Variants in PHF6 observed in about 807,000 individuals in gnomAD.
PHF6 encodes PHD finger protein 6.
Under a neutral mutation model 34.0 loss-of-function variants are expected in PHF6, and 7 were observed. That is an observed-to-expected ratio of 0.21 (90% confidence interval 0.12 to 0.39). The LOEUF is 0.39. PHF6 is among the 10% of genes least tolerant of loss of function. The probability of loss-of-function intolerance (pLI) is 1.00; values close to 1 mark genes in which losing one functional copy is unlikely to be tolerated. For synonymous variants in PHF6, 89 were observed against 88.4 expected (o/e 1.01, Z -0.04); for missense variants, 128 against 262.8 (o/e 0.49, Z 3.55).
chrX:134,402,374 G>C (rs2077406097), intron 5 of PHF6, among the ~76,000 whole-genome samples: 1 of 111,994 alleles, frequency 8.9e-6, no homozygotes, highest in Admixed American at 9.5e-5. Context: ...CCTTTAAGTT[G>C]AGTAGCATTG....
Position 134,377,782 on chromosome X carries a change from C to T in PHF6, c.138+27C>T, listed in dbSNP as rs750155732. On this transcript the variant is annotated intron_variant, in intron 2 of 10. Transcript: ENST00000370803. ...TAAGTATACCGGCAGCAACAGAGAC[C>T]TTGAAACGATTCATGAGACTCTTAA... 3.7e-5 allele frequency: 44 copies of T among 1,194,450 alleles called. No homozygotes were observed. The Admixed American group carries it at 7.3e-4, about 20-fold the overall frequency.
intron 5 of PHF6, among the ~76,000 whole-genome samples, chrX:134,407,848 G>A (rs1467186135): frequency 9.0e-6 from 1 of 111,558 alleles, no homozygotes; most frequent in Admixed American, 9.6e-5. Context: ...CAGGAGGTCA[G>A]GGAGGGAGGC....
chrX:134,404,027 A>T (rs981948680), intron 5 of PHF6, among the ~76,000 whole-genome samples: 10 of 112,174 alleles, frequency 8.9e-5, no homozygotes, highest in Non-Finnish European at 1.5e-4. Flanking sequence ...TTCATTCCGC[A>T]GTTCTTAGAG....
rs752373213 is a variant in PHF6 at position 134,393,632 on chromosome X, C to T, written c.372C>T (p.Tyr124=). ...GAGAGAAACCTTCACAAGGAATTTACATGTAATTATTTAACTTCTCTTTAA... is the reference window on the plus strand; with the variant it reads ...GAGAGAAACCTTCACAAGGAATTTATATGTAATTATTTAACTTCTCTTTAA... ...QIREKPSQGI[Y]MVYCRKHKKT... is the part of the protein sequence containing the mutation. Residue 124 remains tyrosine, a splice_region_variant and synonymous_variant, in exon 4 of 11, where the codon TAC becomes TAT. Coordinates refer to ENST00000370803, the MANE Select transcript of PHF6 (RefSeq NM_001015877.2). The T allele has an allele frequency of 1.0e-5, 12 of 1,196,274 alleles. No homozygotes were observed. The South Asian group carries it at 1.6e-4, about 16-fold the overall frequency.
chrX:134,383,890 C>G (rs757066071), intron 3 of PHF6, among the ~76,000 whole-genome samples: 11 of 111,797 alleles, frequency 9.8e-5, no homozygotes, highest in Non-Finnish European at 1.9e-4. Context: ...AGGATTACAG[C>G]TTAGCAGTTT....
intron 1 of PHF6, among the ~76,000 whole-genome samples, chrX:134,376,835 A>AT (rs1195289401): frequency 8.9e-6 from 1 of 112,262 alleles, no homozygotes; most frequent in African/African-American, 3.2e-5. Flanking sequence ...GCAAAAATTA[A>AT]TTTATTAAAG....
intron 5 of PHF6, among the ~76,000 whole-genome samples, chrX:134,405,427 G>A (rs943631247): frequency 8.1e-5 from 9 of 111,305 alleles, no homozygotes; most frequent in Admixed American, 7.7e-4. Context: ...TCAAACTCCT[G>A]ACCTCAGGTG....
chrX:134,413,623 C>T lies in PHF6; in HGVS notation c.551C>T (p.Ser184Phe). ...TCAGAAGATACCAGGTCCACATCCT[C>T]CCATGGAACAGATGAAATGGAAAGT... ...GLSEDTRSTSSHGTDEMESSS... is the reference protein window; with the variant it reads ...GLSEDTRSTSFHGTDEMESSS... Residue 184 changes from serine (S) to phenylalanine (F), a missense_variant, in exon 6 of 11, where the codon TCC becomes TTC. Transcript: ENST00000370803. 4 of 1,211,162 alleles carry T rather than the reference C, an allele frequency of 3.3e-6. No homozygotes were observed. The highest frequency in any genetic ancestry group is 4.5e-6 in the Non-Finnish European group (4 of 895,283).
rs896553251 is a variant in PHF6, at chrX:134,427,625, C to T, written c.*1965C>T. 3 of 159,868 alleles carry T rather than the reference C, an allele frequency of 1.9e-5. No individual in the cohort carries two copies. Among genetic ancestry groups the T allele is most frequent in the African/African-American group, 9.1e-5 (3 of 33,022 alleles). The allele number at this position is 159,868 out of a possible 1,213,427, so 13.2% of individuals were successfully genotyped here. Reference sequence around the variant, plus strand: ...AAAATGTATGACTTTGTATGGGTTTCTTCAGCCCTTTTTCTGCCACTAGCA... The same window carrying T: ...AAAATGTATGACTTTGTATGGGTTTTTTCAGCCCTTTTTCTGCCACTAGCA... On this transcript the variant is annotated 3_prime_UTR_variant, in exon 11 of 11. Coordinates refer to ENST00000370803, the MANE Select transcript of PHF6 (RefSeq NM_001015877.2).
At chrX:134,415,312 T>G in intron 8 of PHF6, 192 bp downstream of exon 8, 1 of 666,884 alleles carries the variant, frequency 1.5e-6, no homozygotes, top group South Asian at 2.9e-5. Context: ...CTATGTAACT[T>G]CATTACTTTA....
At position 134,375,589 on chromosome X, in the gene PHF6, G is replaced by A. The variant is rs190857671; in HGVS notation, c.-46-1983G>A. On this transcript the variant is annotated intron_variant, in intron 1 of 10. Coordinates refer to ENST00000370803, the MANE Select transcript of PHF6 (RefSeq NM_001015877.2). ...AATTACACATTAAAGATGTCTGTAC[G>A]GGATTTGATTTATACTGTGCCATCC... 6.3e-3 allele frequency among the ~76,000 whole-genome samples: 708 copies of A among 111,837 alleles called. 5 individuals carry two copies. The highest frequency in any genetic ancestry group is 0.022 in the African/African-American group (674 of 30,867).
At chrX:134,406,086 C>CTTTCT (rs1556017637) in intron 5 of PHF6, among the ~76,000 whole-genome samples, 1 of 97,787 alleles carries the variant, frequency 1.0e-5, no homozygotes, top group South Asian at 4.9e-4. Context: ...TTCTTTCTTT[C>CTTTCT]TTTCTTTCTT....
chrX:134,386,810 G>A (rs1257881100), intron 3 of PHF6, among the ~76,000 whole-genome samples: 1 of 111,984 alleles, frequency 8.9e-6, no homozygotes, highest in Non-Finnish European at 1.9e-5. Context: ...CAATATTTAA[G>A]GTTTTGTAAG....
intron 3 of PHF6, among the ~76,000 whole-genome samples, chrX:134,381,149 G>A (rs17277966): frequency 0.15 from 16,422 of 111,099 alleles, 1,130 homozygotes; most frequent in East Asian, 0.43. Context: ...GAGCACTGAG[G>A]AATAGTGGCA....
At chrX:134,424,615 G>A (rs2077502002) in intron 9 of PHF6, among the ~76,000 whole-genome samples, 1 of 112,000 alleles carries the variant, frequency 8.9e-6, no homozygotes, top group Non-Finnish European at 1.9e-5. Flanking sequence ...AAAAGTCAGT[G>A]TTGTGTAAAA....
chrX:134,389,888 A>T (rs1271965611), intron 3 of PHF6, among the ~76,000 whole-genome samples: 2 of 111,686 alleles, frequency 1.8e-5, no homozygotes, highest in African/African-American at 6.5e-5. Flanking sequence ...ATGCCATAAG[A>T]TTAAGATCTT....
rs184380031 is a variant in PHF6 at position 134,401,417 on chromosome X, A to T, written c.418+7465A>T. Reference sequence around the variant, plus strand: ...CCTCATGTATCAAATGAGACTAATAAATATATAATTTTTGTTTAGGGGGAG... The same window carrying T: ...CCTCATGTATCAAATGAGACTAATATATATATAATTTTTGTTTAGGGGGAG... On this transcript the variant is annotated intron_variant, in intron 5 of 10. Transcript: ENST00000370803. Among the ~76,000 whole-genome samples, 824 of 111,503 alleles carry T rather than the reference A, an allele frequency of 7.4e-3. 5 individuals are homozygous for T. The highest frequency in any genetic ancestry group is 0.026 in the African/African-American group (788 of 30,648).
intron 3 of PHF6, among the ~76,000 whole-genome samples, chrX:134,379,849 C>A (rs1433807811): frequency 9.0e-6 from 1 of 111,716 alleles, no homozygotes; most frequent in Non-Finnish European, 1.9e-5. Context: ...ATTTCCTAGT[C>A]CTTAAAATAA....
chrX:134,395,208 A>G (rs1288342181), intron 5 of PHF6, among the ~76,000 whole-genome samples: 1 of 112,124 alleles, frequency 8.9e-6, no homozygotes, highest in East Asian at 2.8e-4. Flanking sequence ...TCATATTATA[A>G]ATGATGTGAG....
Sources: gnomAD v4.1 joint callset for allele counts (sites outside exome capture counted in the v4.1 genomes callset) on GRCh38, gnomAD v4.1.1 for gene constraint, MANE v1.5 for transcripts, NCBI Gene and HGNC (gene_info 2026-07-23, HGNC 2026-07-21) for gene names.